Variants in DGKB observed in about 807,000 individuals in gnomAD.
The protein encoded by DGKB is 90 kDa diacylglycerol kinase.
DGKB carries 67 observed loss-of-function variants against 114.3 expected under a neutral mutation model. That is an observed-to-expected ratio of 0.59 (90% CI 0.48 to 0.72). The LOEUF is 0.72. Among genes scored for constraint, DGKB ranks in the 30% least tolerant of loss-of-function variants. The pLI, the probability that DGKB is intolerant of heterozygous loss-of-function variation, is 0.00. For missense variants in DGKB, 907 were observed against 975.2 expected (o/e 0.93, Z 0.93); for synonymous variants, 398 against 323.1 (o/e 1.23, Z -2.49).
At position 14,170,177 on chromosome 7, in the gene DGKB, GAA is replaced by G. The variant is rs1317407402; in HGVS notation, c.2304+6660_2304+6661del. ...AGAAAGAAAGAAAGAAAGAAAGAAA[GAA>G]AGAAAGAAAGAAAGAAAGAAAGAAA... On this transcript the variant is annotated intron_variant, in intron 25 of 25. Transcript: ENST00000402815. Among the ~76,000 whole-genome samples, 10 of 146,136 alleles carry G rather than the reference GAA, an allele frequency of 6.8e-5. 1 individual carries two copies. Among genetic ancestry groups the G allele is most frequent in the African/African-American group, 1.8e-4 (7 of 39,918 alleles).
chr7:14,257,097 A>C (rs957403980), intron 23 of DGKB, among the ~76,000 whole-genome samples: 1 of 152,162 alleles, frequency 6.6e-6, no homozygotes, highest in East Asian at 1.9e-4. Context: ...CAGGAATTCA[A>C]GGTTACAGTG....
chr7:14,590,153 AGT>A (rs1478232464), intron 17 of DGKB, among the ~76,000 whole-genome samples: 11 of 80,776 alleles, frequency 1.4e-4, no homozygotes, highest in African/African-American at 5.2e-4. Context: ...TAAAACTTAA[AGT>A]ATAATAATAA....
chr7:14,516,619 T>C (rs1455468885), intron 20 of DGKB, among the ~76,000 whole-genome samples: 1 of 152,180 alleles, frequency 6.6e-6, no homozygotes, highest in Non-Finnish European at 1.5e-5. Context: ...TCTAGGCATT[T>C]TATTCTTTTT....
chr7:14,888,690 G>GTT (rs1299708100), intron 1 of DGKB, among the ~76,000 whole-genome samples: 1 of 151,690 alleles, frequency 6.6e-6, no homozygotes, highest in Non-Finnish European at 1.5e-5. Context: ...GTTTCCCTTG[G>GTT]TTCTATTCCT....
At chr7:14,282,006 AAAATC>A (rs1428393417) in intron 23 of DGKB, among the ~76,000 whole-genome samples, 63 of 117,250 alleles carry the variant, frequency 5.4e-4, no homozygotes, top group African/African-American at 1.9e-3. Context: ...AGAAATAACT[AAAATC>A]AGAGCAGAAC....
intron 21 of DGKB, among the ~76,000 whole-genome samples, chr7:14,467,126 T>C (rs1047421611): frequency 5.3e-5 from 8 of 151,056 alleles, no homozygotes; most frequent in Non-Finnish European, 7.4e-5. Context: ...GTATGTTATG[T>C]ATATAACTAT....
At chr7:14,781,170 G>C (rs1267687076) in intron 2 of DGKB, among the ~76,000 whole-genome samples, 1 of 152,176 alleles carries the variant, frequency 6.6e-6, no homozygotes, top group Non-Finnish European at 1.5e-5. Context: ...TAAGATGTGT[G>C]GTTGAGCAAG....
At chr7:14,437,134 C>T (rs535309944) in intron 21 of DGKB, among the ~76,000 whole-genome samples, 6 of 151,982 alleles carry the variant, frequency 3.9e-5, no homozygotes, top group African/African-American at 1.2e-4. Flanking sequence ...CTGGGAGCCA[C>T]GACTTAACGA....
At position 14,202,152 on chromosome 7, in the gene DGKB, C is replaced by A. The variant is rs527749066; in HGVS notation, c.2123-24001G>T. Among the ~76,000 whole-genome samples the A allele has an allele frequency of 3.9e-5, 6 of 152,072 alleles. No homozygotes were observed. In the East Asian group the frequency reaches 1.2e-3, roughly 30 times the overall value. On this transcript the variant is annotated intron_variant, in intron 23 of 25. Transcript: ENST00000402815. Reference sequence around the variant, plus strand: ...ATATTTATCTAGCTCTGTTTAGTTTCCCATTCTTTTTTATGATTTAATGTA... The same window carrying A: ...ATATTTATCTAGCTCTGTTTAGTTTACCATTCTTTTTTATGATTTAATGTA...
intron 2 of DGKB, among the ~76,000 whole-genome samples, chr7:14,825,034 A>ATATATATC (rs1562636838): frequency 1.6e-4 from 22 of 141,668 alleles, no homozygotes; most frequent in African/African-American, 5.6e-4. Context: ...ATATATATAT[A>ATATATATC]TATATATATA....
rs6946716 is a variant in DGKB at position 14,259,616 on chromosome 7, G to A, written c.2122+78899C>T. Among the ~76,000 whole-genome samples the A allele has an allele frequency of 9.5e-3, 1,440 of 152,078 alleles. 24 individuals are homozygous for A. The highest frequency in any genetic ancestry group is 0.033 in the African/African-American group (1,366 of 41,502). ...TAATTTTTGTATTTTTAGTAGAGACGGGTTTTGCCATGTTGGCCAGGATGG... is the reference window on the plus strand; with the variant it reads ...TAATTTTTGTATTTTTAGTAGAGACAGGTTTTGCCATGTTGGCCAGGATGG... On this transcript the variant is annotated intron_variant, in intron 23 of 25. Transcript: ENST00000402815.
intron 2 of DGKB, among the ~76,000 whole-genome samples, chr7:14,796,828 A>C (rs1266510077): frequency 2.0e-5 from 3 of 152,180 alleles, no homozygotes; most frequent in African/African-American, 7.2e-5. Flanking sequence ...CCTCTTATTA[A>C]ATAAAGGCAA....
intron 16 of DGKB, among the ~76,000 whole-genome samples, chr7:14,609,436 C>G (rs1341440037): frequency 6.6e-6 from 1 of 151,906 alleles, no homozygotes; most frequent in African/African-American, 2.4e-5. Context: ...AGCTATATTT[C>G]TAAAAGAAAA....
At chr7:14,564,144 G>T (rs1423764948) in intron 20 of DGKB, among the ~76,000 whole-genome samples, 1 of 152,198 alleles carries the variant, frequency 6.6e-6, no homozygotes, top group Non-Finnish European at 1.5e-5. Flanking sequence ...TGCTGAGCAA[G>T]GGGAAGGATC....
intron 17 of DGKB, 130 bp downstream of exon 17, chr7:14,607,304 T>G (rs530169237): frequency 1.7e-6 from 1 of 587,760 alleles, no homozygotes; most frequent in East Asian, 3.3e-5. Context: ...TCTTACGTAG[T>G]TGATATTTCA....
intron 2 of DGKB, among the ~76,000 whole-genome samples, chr7:14,759,244 G>A (rs1835345953): frequency 1.3e-5 from 2 of 152,148 alleles, no homozygotes; most frequent in Non-Finnish European, 2.9e-5. Context: ...GTACTTTTAA[G>A]TGAGATAAAA....
chr7:14,851,948 C>A (rs1378905181), intron 1 of DGKB, among the ~76,000 whole-genome samples: 1 of 152,128 alleles, frequency 6.6e-6, no homozygotes, highest in Non-Finnish European at 1.5e-5. Context: ...TTGAAGTTTT[C>A]TCAGCTGAGC....
At chr7:14,870,564 G>A (rs1852302487) in intron 1 of DGKB, among the ~76,000 whole-genome samples, 2 of 152,118 alleles carry the variant, frequency 1.3e-5, no homozygotes, top group African/African-American at 2.4e-5. Flanking sequence ...TTAGGAGGCC[G>A]AGGAGGGCAG....
At chr7:14,349,093 C>T (rs1452070103) in intron 21 of DGKB, among the ~76,000 whole-genome samples, 1 of 151,856 alleles carries the variant, frequency 6.6e-6, no homozygotes, top group African/African-American at 2.4e-5. Context: ...ATGCTGGTGT[C>T]ATTAAGAGAA....
Sources: gnomAD v4.1 joint callset for allele counts (sites outside exome capture counted in the v4.1 genomes callset) on GRCh38, gnomAD v4.1.1 for gene constraint, MANE v1.5 for transcripts, NCBI Gene and HGNC (gene_info 2026-07-23, HGNC 2026-07-21) for gene names.